The following NBAS variants were observed in gnomAD, a reference collection of about 807,000 sequenced individuals.
NBAS encodes the protein NBAS subunit of NRZ tethering complex, also known as NAG/BC035112 fusion.
NBAS carries 219 observed loss-of-function variants against 302.5 expected under a neutral mutation model. The ratio of observed to expected loss-of-function variants is 0.72; its 90% CI spans 0.65 to 0.81. The LOEUF is 0.81. Among genes scored for constraint, NBAS ranks in the 30% least tolerant of loss-of-function variants. NBAS has a pLI of 0.00. For synonymous variants in NBAS, 1,118 were observed against 1,021.6 expected, an observed-to-expected ratio of 1.09 and a Z score of -1.80; for missense variants, 2,932 against 2,841.6, an observed-to-expected ratio of 1.03 and a Z score of -0.72.
intron 11 of NBAS, among the ~76,000 whole-genome samples, chr2:15,491,016 A>C (rs1385338488): frequency 6.6e-6 from 1 of 152,236 alleles, no homozygotes; most frequent in African/African-American, 2.4e-5. Context: ...ACTTCACAAT[A>C]GCAATATGAC....
At chr2:15,517,349 A>C (rs1662447160) in intron 9 of NBAS, among the ~76,000 whole-genome samples, 1 of 152,212 alleles carries the variant, frequency 6.6e-6, no homozygotes, top group African/African-American at 2.4e-5. Flanking sequence ...AGGGATGGAC[A>C]AATAACCAAA....
At chr2:15,003,126 C>T in the NBAS span, among the ~76,000 whole-genome samples, 2 of 152,230 alleles carry the variant, frequency 1.3e-5, no homozygotes, top group Admixed American at 1.3e-4. Flanking sequence ...AATGCTCAAG[C>T]CATTCAGAGG....
At chr2:15,237,771 A>ATTTTTTT (rs765648566) in intron 45 of NBAS, among the ~76,000 whole-genome samples, 1 of 66,560 alleles carries the variant, frequency 1.5e-5, no homozygotes, top group South Asian at 5.0e-4. Context: ...TAATGTTTGT[A>ATTTTTTT]TTTTTTTTTT....
intron 21 of NBAS, among the ~76,000 whole-genome samples, chr2:15,458,645 T>C (rs961084458): frequency 3.9e-5 from 6 of 152,214 alleles, no homozygotes; most frequent in African/African-American, 1.4e-4. Flanking sequence ...TCTGTGCAAC[T>C]GTGAGCCAAT....
intron 44 of NBAS, among the ~76,000 whole-genome samples, chr2:15,273,112 A>G (rs1389668940): frequency 6.6e-6 from 1 of 152,136 alleles, no homozygotes; most frequent in African/African-American, 2.4e-5. Context: ...CTTCCCTCAC[A>G]TAAAATATTT....
At chr2:15,157,894 C>T in the NBAS span, among the ~76,000 whole-genome samples, 1 of 152,192 alleles carries the variant, frequency 6.6e-6, no homozygotes, top group Non-Finnish European at 1.5e-5. Context: ...AAGAGTATCA[C>T]ATTATTGTTT....
chr2:15,368,104 T>A (rs1674301624), intron 31 of NBAS, among the ~76,000 whole-genome samples: 1 of 152,090 alleles, frequency 6.6e-6, no homozygotes, highest in Non-Finnish European at 1.5e-5. Flanking sequence ...TACACATTTA[T>A]TTTTTTCTGA....
At chr2:15,008,915 T>G in the NBAS span, among the ~76,000 whole-genome samples, 1 of 152,210 alleles carries the variant, frequency 6.6e-6, no homozygotes, top group Non-Finnish European at 1.5e-5. Flanking sequence ...TCATAAAATT[T>G]CTGTTAATCA....
At chr2:15,183,457 T>C (rs1664924800) in intron 50 of NBAS, among the ~76,000 whole-genome samples, 1 of 152,252 alleles carries the variant, frequency 6.6e-6, no homozygotes, top group Non-Finnish European at 1.5e-5. Context: ...TTTAACCCAG[T>C]ACCTTGTCTC....
chr2:15,393,480 ACT>A (rs1675707108), intron 28 of NBAS, among the ~76,000 whole-genome samples: 2 of 152,064 alleles, frequency 1.3e-5, no homozygotes, highest in South Asian at 4.1e-4. Flanking sequence ...AGCAACTGTA[ACT>A]CTCCTACAAG....
the NBAS span, among the ~76,000 whole-genome samples, chr2:14,779,374 T>G: frequency 6.6e-6 from 1 of 152,160 alleles, no homozygotes. Flanking sequence ...TGAAATACAA[T>G]AGCTCACATC....
Position 15,468,461 on chromosome 2 carries a change from T to C in NBAS, c.1798A>G (p.Lys600Glu). 6.2e-7 allele frequency: 1 copy of C among 1,614,058 alleles called. No individual in the cohort carries two copies. Among genetic ancestry groups the C allele is most frequent in the South Asian group, 1.1e-5 (1 of 91,076 alleles). ...TTTAATCCATACTGAAGCAGTTCTT[T>C]TGCAGCATCCACATTTTCAGGAACT... is the stretch of plus-strand genomic sequence containing the variant. ...ERVPENVDAAKELLQYGLKGT... is the reference protein window; with the variant it reads ...ERVPENVDAAEELLQYGLKGT... The change falls in exon 17 of 52, where the codon AAA (lysine) becomes GAA (glutamate). Residue 600 changes from lysine to glutamate, a missense_variant. Physicochemically the swap from Lys to Glu is moderately conservative, Grantham distance 56 (BLOSUM62 1). Transcript: ENST00000281513.
At chr2:15,529,222 G>T (rs1486176692) in intron 9 of NBAS, among the ~76,000 whole-genome samples, 1 of 152,070 alleles carries the variant, frequency 6.6e-6, no homozygotes, top group Non-Finnish European at 1.5e-5. Context: ...AAAATTGGCA[G>T]GGCGTGGTGG....
chr2:15,121,970 C>G, the NBAS span, among the ~76,000 whole-genome samples: 1 of 152,168 alleles, frequency 6.6e-6, no homozygotes. Context: ...TAGGCTTCAT[C>G]AGACCACCAG....
Position 15,366,604 on chromosome 2 carries a change from G to C in NBAS, c.3793C>G (p.Leu1265Val), listed in dbSNP as rs1558275259. ...CYKQSTKLLG[L>V]AELLRVAGEN... is the part of the protein sequence containing the mutation. The stretch of plus-strand genomic sequence containing the variant: ...CCTGCAACCCTCAGCAGCTCAGCAA[G>C]GCCCAGAAGCTTGGTGGATTGTTTA... Residue 1265 changes from leucine (L) to valine (V), a missense_variant, in exon 32 of 52, where the codon CTT becomes GTT. Coordinates refer to ENST00000281513, the MANE Select transcript of NBAS (RefSeq NM_015909.4). 6.2e-7 allele frequency: 1 copy of C among 1,614,106 alleles called. No individual in the cohort carries two copies. Among genetic ancestry groups the C allele is most frequent in the Non-Finnish European group, 8.5e-7 (1 of 1,179,978 alleles).
At position 15,479,660 on chromosome 2, in the gene NBAS, T is replaced by C. The variant is rs375235109; in HGVS notation, c.1084-1371A>G. Among the ~76,000 whole-genome samples the C allele has an allele frequency of 4.1e-4, 63 of 152,316 alleles. No homozygotes were observed. The South Asian group carries it at 0.01, about 25-fold the overall frequency. On this transcript the variant is annotated intron_variant, in intron 12 of 51. Coordinates refer to ENST00000281513, the MANE Select transcript of NBAS (RefSeq NM_015909.4). Reference sequence around the variant, plus strand: ...ATAACTCTCACTTGAGAATTCAAAGTGTGCATGTCTTTGTCAAAACTAATG... The same window carrying C: ...ATAACTCTCACTTGAGAATTCAAAGCGTGCATGTCTTTGTCAAAACTAATG...
chr2:14,974,850 A>G, the NBAS span, among the ~76,000 whole-genome samples: 4 of 152,346 alleles, frequency 2.6e-5, no homozygotes, highest in African/African-American at 9.6e-5. Flanking sequence ...AAAAAGGGAT[A>G]GTTGTCTGGA....
chr2:15,012,165 G>C, the NBAS span, among the ~76,000 whole-genome samples: 36 of 152,110 alleles, frequency 2.4e-4, no homozygotes, highest in African/African-American at 8.2e-4. Context: ...ATAGATAATT[G>C]AGTGAAATAA....
chr2:14,949,181 G>A, the NBAS span, among the ~76,000 whole-genome samples: 2 of 152,098 alleles, frequency 1.3e-5, no homozygotes, highest in Non-Finnish European at 2.9e-5. Context: ...ACTGGTTTTG[G>A]CAAATAATTT....
Sources: allele counts gnomAD v4.1 joint callset (sites outside exome capture counted in the v4.1 genomes callset), GRCh38; gene constraint gnomAD v4.1.1; transcripts MANE v1.5; gene names NCBI Gene and HGNC (gene_info 2026-07-23, HGNC 2026-07-21).